The following EBF2 variants were observed in gnomAD, a reference collection of about 807,000 sequenced individuals.
EBF2 encodes the protein EBF transcription factor 2, also known as transcription factor COE2.
EBF2 carries 21 observed loss-of-function variants against 72.8 expected under a neutral mutation model. That is an observed-to-expected ratio of 0.29 (90% CI 0.20 to 0.42). The LOEUF (loss-of-function observed/expected upper bound fraction) is 0.42. Among genes scored for constraint, EBF2 ranks in the 10% least tolerant of loss-of-function variants. The probability of loss-of-function intolerance (pLI) is 1.00; values close to 1 mark genes in which losing one functional copy is unlikely to be tolerated. For synonymous variants in EBF2, 299 were observed against 274.2 expected (o/e 1.09, Z -0.89); for missense variants, 637 against 731.2 (o/e 0.87, Z 1.49).
At chr8:25,943,367 G>A (rs190946363) in intron 6 of EBF2, among the ~76,000 whole-genome samples, 13 of 151,178 alleles carry the variant, frequency 8.6e-5, no homozygotes, top group East Asian at 7.8e-4. Flanking sequence ...AAATTTAGTC[G>A]GGCATGCTGA....
chr8:25,978,388 G>A (rs1161241958), intron 6 of EBF2, among the ~76,000 whole-genome samples: 1 of 152,198 alleles, frequency 6.6e-6, no homozygotes, highest in Non-Finnish European at 1.5e-5. Context: ...CAATTATAGT[G>A]CTGTTTCCCA....
intron 13 of EBF2, among the ~76,000 whole-genome samples, chr8:25,859,526 G>A (rs982800119): frequency 6.6e-6 from 1 of 152,122 alleles, no homozygotes; most frequent in Non-Finnish European, 1.5e-5. Context: ...GTCTATGCCT[G>A]GGACGGGGGA....
intron 13 of EBF2, 88 bp downstream of exon 13, chr8:25,860,961 C>A: frequency 1.0e-5 from 15 of 1,446,520 alleles, no homozygotes; most frequent in Non-Finnish European, 1.5e-5. Flanking sequence ...TCTGTTGGAC[C>A]ATTATGACCC....
At position 25,889,815 on chromosome 8, in the gene EBF2, T is replaced by C. The variant is rs772432915; in HGVS notation, c.688A>G (p.Asn230Asp). The change falls in exon 8 of 16, where the codon AAC (asparagine) becomes GAC (aspartate). Residue 230 changes from asparagine (N) to aspartate (D), a missense_variant. Around this residue, in one of 3 missense-constraint regions of EBF2, gnomAD observed 204 missense variants for 301.2 expected, o/e 0.68. Transcript: ENST00000520164. ...TTGGAGTTGTTATGAACAAACATGT[T>C]GTCAGAAACAGCCAGGACGTGTCCA... ...VDGHVLAVSD[N>D]MFVHNNSKHG... is the part of the protein sequence containing the mutation. The C allele has an allele frequency of 1.2e-6, 2 of 1,614,056 alleles. No individual in the cohort carries two copies. The highest frequency in any genetic ancestry group is 1.7e-6 in the Non-Finnish European group (2 of 1,179,964).
chr8:25,996,574 C>T (rs1297196859), intron 6 of EBF2, among the ~76,000 whole-genome samples: 1 of 151,486 alleles, frequency 6.6e-6, no homozygotes, highest in African/African-American at 2.4e-5. Flanking sequence ...ATGCATAGCC[C>T]AAAGTGCTTT....
At chr8:26,039,894 C>A (rs993287965) in intron 5 of EBF2, 134 bp downstream of exon 5, 9 of 836,966 alleles carry the variant, frequency 1.1e-5, no homozygotes, top group African/African-American at 5.0e-5. Context: ...CTACACTCTG[C>A]GCCCGTCTGC....
Position 25,889,350 on chromosome 8 carries a change from A to C in EBF2, c.751+402T>G, listed in dbSNP as rs540736363. 6.7e-4 allele frequency among the ~76,000 whole-genome samples: 102 copies of C among 152,358 alleles called. 1 individual carries two copies. The highest frequency in any genetic ancestry group is 7.8e-4 in the Admixed American group (12 of 15,302). On this transcript the variant is annotated intron_variant, in intron 8 of 15. Transcript: ENST00000520164. ...CTTCTTGTCCAAGCAAACAAAAATC[A>C]ATTAGTGTCAGTTTCATTCTGAGCA...
intron 6 of EBF2, among the ~76,000 whole-genome samples, chr8:25,936,229 G>T (rs1803577429): frequency 6.6e-6 from 1 of 152,166 alleles, no homozygotes; most frequent in Non-Finnish European, 1.5e-5. Context: ...GCTCCTCACT[G>T]CTGTATTGCT....
At chr8:25,917,320 T>G (rs1803234764) in intron 6 of EBF2, among the ~76,000 whole-genome samples, 1 of 152,132 alleles carries the variant, frequency 6.6e-6, no homozygotes, top group Non-Finnish European at 1.5e-5. Context: ...CTTGTTTTTG[T>G]ACTCAGATAA....
intron 15 of EBF2, among the ~76,000 whole-genome samples, chr8:25,849,323 C>G (rs141167611): frequency 1.3e-5 from 2 of 152,146 alleles, no homozygotes; most frequent in Non-Finnish European, 2.9e-5. Context: ...AGGAACCTAA[C>G]GTACCTCCCA....
chr8:25,970,311 C>A (rs1372793169), intron 6 of EBF2, among the ~76,000 whole-genome samples: 1 of 152,188 alleles, frequency 6.6e-6, no homozygotes, highest in African/African-American at 2.4e-5. Context: ...TTCGCTTCGA[C>A]AGGAGCCTTC....
At position 25,925,834 on chromosome 8, in the gene EBF2, T is replaced by C. The variant is rs576251241; in HGVS notation, c.552-17279A>G. 7.2e-5 allele frequency among the ~76,000 whole-genome samples: 11 copies of C among 152,186 alleles called. No homozygotes were observed. In the East Asian group the frequency reaches 1.5e-3, roughly 21 times the overall value. On this transcript the variant is annotated intron_variant, in intron 6 of 15. Transcript: ENST00000520164. ...GCATTCAGCTTTTTCATTTTCATAA[T>C]AGGAAGATTTTTTGCAGAGCCCTTA...
At chr8:25,999,943 G>C (rs1014991436) in intron 6 of EBF2, among the ~76,000 whole-genome samples, 1 of 152,018 alleles carries the variant, frequency 6.6e-6, no homozygotes, top group Non-Finnish European at 1.5e-5. Context: ...CCAGTCCATG[G>C]GACCTCAGAA....
intron 6 of EBF2, among the ~76,000 whole-genome samples, chr8:25,947,692 C>T (rs1803793930): frequency 6.6e-6 from 1 of 152,182 alleles, no homozygotes; most frequent in South Asian, 2.1e-4. Context: ...CGACACACTC[C>T]CCTTCTTTCT....
At chr8:26,032,392 T>A (rs1050367166) in intron 6 of EBF2, 1 of 152,148 alleles carries the variant, frequency 6.6e-6, no homozygotes, top group Non-Finnish European at 1.5e-5. Flanking sequence ...TTATTCCGTT[T>A]TTTAACGAAA....
chr8:25,994,802 CA>C (rs1321083563), intron 6 of EBF2, among the ~76,000 whole-genome samples: 7 of 151,330 alleles, frequency 4.6e-5, no homozygotes, highest in South Asian at 2.1e-4. Flanking sequence ...GGAGGGTAGG[CA>C]AAAAAAACTA....
intron 6 of EBF2, among the ~76,000 whole-genome samples, chr8:25,935,581 T>C (rs545538876): frequency 6.6e-6 from 1 of 152,276 alleles, no homozygotes; most frequent in Admixed American, 6.5e-5. Context: ...TCTGGGCACA[T>C]TGCCTTTCTT....
chr8:26,010,988 TAC>T lies in EBF2; in HGVS notation c.551+22095_551+22096del, dbSNP rs36211488. On this transcript the variant is annotated intron_variant, in intron 6 of 15. Transcript: ENST00000520164. ...TTTTATATGCTTGCATATGTGTGCA[TAC>T]ACACACACACACACACACACACACA... Among the ~76,000 whole-genome samples, 415 of 150,862 alleles carry T rather than the reference TAC, an allele frequency of 2.8e-3. 1 individual carries two copies. The highest frequency in any genetic ancestry group is 8.8e-3 in the African/African-American group (364 of 41,214).
intron 8 of EBF2, among the ~76,000 whole-genome samples, chr8:25,889,167 C>T (rs1802737406): frequency 6.6e-6 from 1 of 152,156 alleles, no homozygotes; most frequent in South Asian, 2.1e-4. Flanking sequence ...TTGGGGAGTG[C>T]AGACAGAAGG....
Sources: gnomAD v4.1 joint callset for allele counts (sites outside exome capture counted in the v4.1 genomes callset) on GRCh38, gnomAD v4.1.1 for gene constraint, gnomAD v4.1.1 regional missense constraint, MANE v1.5 for transcripts, NCBI Gene and HGNC (gene_info 2026-07-23, HGNC 2026-07-21) for gene names.